TIRAP: variants seen among roughly 807,000 people sequenced by gnomAD.
The protein encoded by TIRAP is TIR domain containing adaptor protein.
A neutral mutation model predicts 19.8 loss-of-function variants in TIRAP; 20 were observed. That is an observed-to-expected ratio of 1.01 (90% CI 0.71 to 1.47). The LOEUF is 1.47. TIRAP is among the 40% of genes most tolerant of loss of function. The probability of loss-of-function intolerance (pLI) is 0.00; values close to 1 mark genes in which losing one functional copy is unlikely to be tolerated. For missense variants in TIRAP, 276 were observed against 285.1 expected, an observed-to-expected ratio of 0.97 and a Z score of 0.23; for synonymous variants, 125 against 121.7, an observed-to-expected ratio of 1.03 and a Z score of -0.18.
chr11:126,293,066 A>G lies in TIRAP; in HGVS notation c.646+11A>G. The G allele has an allele frequency of 6.2e-7, 1 of 1,614,114 alleles. No individual in the cohort carries two copies. Among genetic ancestry groups the G allele is most frequent in the Non-Finnish European group, 8.5e-7 (1 of 1,180,022 alleles). ...AAGCTGTCATGCGTTGTAAGCTACT[A>G]CAGGAGGGAGAAGGGGAACGGGATT... is the stretch of plus-strand genomic sequence containing the variant. On this transcript the variant is annotated intron_variant, in intron 4 of 4. Coordinates refer to ENST00000392679, the MANE Select transcript of TIRAP (RefSeq NM_001318777.2).
chr11:126,291,676 C>T lies in TIRAP; in HGVS notation c.67+715C>T, dbSNP rs1257978438. The T allele has an allele frequency of 2.6e-6, 1 of 390,522 alleles. No homozygotes were observed. The highest frequency in any genetic ancestry group is 5.2e-6 in the Non-Finnish European group (1 of 193,620). The allele number at this position is 390,522 out of a possible 1,614,324, so 24.2% of individuals were successfully genotyped here. A position where few individuals can be genotyped will look rare whatever the true frequency, so the allele number is the denominator to read the frequency against. On this transcript the variant is annotated intron_variant, in intron 3 of 4. Coordinates refer to ENST00000392679, the MANE Select transcript of TIRAP (RefSeq NM_001318777.2). This position sits in a 1 kb window ranked among gnomAD's most constrained non-coding sequence, Gnocchi z 5.6. ...TTCTTGGGGCCAAACAGATGCCAGT[C>T]CTCCGTACCCCTTCCTTCCTGTATA...
intron 4 of TIRAP, 44 bp downstream of exon 4, chr11:126,293,099 A>T (rs747655758): frequency 6.2e-7 from 1 of 1,613,034 alleles, no homozygotes; most frequent in East Asian, 2.2e-5. Context: ...ATTCAGCTAC[A>T]GTATCTGATC....
rs1048296907 is a variant in TIRAP, at chr11:126,294,036, C to G, written c.*349C>G. On this transcript the variant is annotated 3_prime_UTR_variant, in exon 5 of 5. Transcript: ENST00000392679. ...ATGGCCAGCAGGACTCATCTCCTGC[C>G]TAACTGGACAGGAAGCCTGGCACCC... 3 of 325,654 alleles carry G rather than the reference C, an allele frequency of 9.2e-6. No individual in the cohort carries two copies. The highest frequency in any genetic ancestry group is 1.8e-5 in the Non-Finnish European group (3 of 169,870). 20.2% of individuals were successfully genotyped at this position (325,654 alleles called of 1,614,324 possible).
At position 126,291,956 on chromosome 11, in the gene TIRAP, C is replaced by T. The variant is rs1265493938; in HGVS notation, c.68-521C>T. Reference sequence around the variant, plus strand: ...ACATAAGGATTCCAGAGTTCTGACACGTCCAAAACCTTTACCTTTAGAGGG... The same window carrying T: ...ACATAAGGATTCCAGAGTTCTGACATGTCCAAAACCTTTACCTTTAGAGGG... On this transcript the variant is annotated intron_variant, in intron 3 of 4. Coordinates refer to ENST00000392679, the MANE Select transcript of TIRAP (RefSeq NM_001318777.2). The surrounding 1 kb of genome is among the most constrained non-coding windows in gnomAD (Gnocchi z 5.6). Among the ~76,000 whole-genome samples the T allele has an allele frequency of 6.6e-6, 1 of 151,934 alleles. No homozygotes were observed. Among genetic ancestry groups the T allele is most frequent in the African/African-American group, 2.4e-5 (1 of 41,268 alleles).
chr11:126,283,315 C>T (rs1484865425), intron 1 of TIRAP, among the ~76,000 whole-genome samples, 162 bp downstream of exon 1: 3 of 152,136 alleles, frequency 2.0e-5, no homozygotes, highest in African/African-American at 7.2e-5. Flanking sequence ...GCGGCACATC[C>T]GCTTCCCTTC....
rs1321278139 is a variant in TIRAP, at chr11:126,294,455, G to A, written c.*768G>A. 3 of 454,038 alleles carry A rather than the reference G, an allele frequency of 6.6e-6. No homozygotes were observed. The highest frequency in any genetic ancestry group is 2.0e-5 in the African/African-American group (1 of 50,004). The allele number at this position is 454,038 out of a possible 1,614,324, so 28.1% of individuals were successfully genotyped here. ...GGGAATCCAGGGCTCAGGGTTCAAT[G>A]CCTTCACCTGAGATCACAAGCCCAT... On this transcript the variant is annotated 3_prime_UTR_variant, in exon 5 of 5. Coordinates refer to ENST00000392679, the MANE Select transcript of TIRAP (RefSeq NM_001318777.2).
intron 1 of TIRAP, among the ~76,000 whole-genome samples, chr11:126,284,288 C>G (rs1332878235): frequency 6.6e-6 from 1 of 152,180 alleles, no homozygotes; most frequent in Non-Finnish European, 1.5e-5. Context: ...CCTGCCTCAG[C>G]CTTCCAGAGT....
chr11:126,287,647 A>G lies in TIRAP; in HGVS notation c.-216-2815A>G, dbSNP rs1951337126. 6.6e-6 allele frequency among the ~76,000 whole-genome samples: 1 copy of G among 151,910 alleles called. No individual in the cohort carries two copies. The highest frequency in any genetic ancestry group is 1.5e-5 in the Non-Finnish European group (1 of 67,978). On this transcript the variant is annotated intron_variant, in intron 1 of 4. Coordinates refer to ENST00000392679, the MANE Select transcript of TIRAP (RefSeq NM_001318777.2). This position sits in a 1 kb window ranked among gnomAD's most constrained non-coding sequence, Gnocchi z 4.2. Reference sequence around the variant, plus strand: ...TTTGGATTTTATACAGCAAAACTCCATAATGTTTCCTTTACATCAGTTTCT... The same window carrying G: ...TTTGGATTTTATACAGCAAAACTCCGTAATGTTTCCTTTACATCAGTTTCT...
rs1285696378 is a variant in TIRAP at position 126,291,384 on chromosome 11, A to G, written c.67+423A>G. 5 of 1,228,526 alleles carry G rather than the reference A, an allele frequency of 4.1e-6. No homozygotes were observed. The South Asian group carries it at 6.2e-5, about 15-fold the overall frequency. 76.1% of individuals were successfully genotyped at this position (1,228,526 alleles called of 1,614,324 possible). A position where few individuals can be genotyped will look rare whatever the true frequency, so the allele number is the denominator to read the frequency against. ...TGTTTTCATCTCCTTATGGAGTCCCATACTCCAAACACAGACCTGAGCAGT... is the reference window on the plus strand; with the variant it reads ...TGTTTTCATCTCCTTATGGAGTCCCGTACTCCAAACACAGACCTGAGCAGT... On this transcript the variant is annotated intron_variant, in intron 3 of 4. Coordinates refer to ENST00000392679, the MANE Select transcript of TIRAP (RefSeq NM_001318777.2). The surrounding 1 kb of genome is among the most constrained non-coding windows in gnomAD (Gnocchi z 5.6).
chr11:126,293,809 C>T lies in TIRAP; in HGVS notation c.*122C>T, dbSNP rs777153653. 3.8e-5 allele frequency: 42 copies of T among 1,115,220 alleles called. No individual in the cohort carries two copies. The highest frequency in any genetic ancestry group is 2.0e-4 in the Middle Eastern group (1 of 5,076). 69.1% of individuals were successfully genotyped at this position (1,115,220 alleles called of 1,614,324 possible). ...AGGGAGTGAGTCACAGCGCTTTGCT[C>T]GTGACCCTGGGATCAGAGCACCCAT... On this transcript the variant is annotated 3_prime_UTR_variant, in exon 5 of 5. Transcript: ENST00000392679.
intron 4 of TIRAP, chr11:126,293,289 A>G (rs928893911): frequency 1.4e-5 from 11 of 770,400 alleles, no homozygotes; most frequent in Non-Finnish European, 2.2e-5. Flanking sequence ...TTCCATTGCT[A>G]TGAAATGAGA....
Position 126,292,670 on chromosome 11 carries a change from C to T in TIRAP, c.261C>T (p.Asp87=), listed in dbSNP as rs527374521. Residue 87 remains aspartate (D), a synonymous_variant, in exon 4 of 5, where the codon GAC becomes GAT. Transcript: ENST00000392679. ...SGSSRWSKDY[D]VCVCHSEEDL... is the part of the protein sequence containing the mutation. ...GTAGTCGCTGGAGCAAAGACTATGACGTCTGCGTGTGCCACAGTGAGGAAG... is the reference window on the plus strand; with the variant it reads ...GTAGTCGCTGGAGCAAAGACTATGATGTCTGCGTGTGCCACAGTGAGGAAG... 2.0e-5 allele frequency: 32 copies of T among 1,614,042 alleles called. No homozygotes were observed. Among genetic ancestry groups the T allele is most frequent in the East Asian group, 6.7e-5 (3 of 44,878 alleles).
rs1278748208 is a variant in TIRAP at position 126,287,929 on chromosome 11, T to A, written c.-216-2533T>A. ...ACACCATGCCTGGCTAATTTTTGTATTTTTAGTAGAGACAGGGTTTCGACC... is the reference window on the plus strand; with the variant it reads ...ACACCATGCCTGGCTAATTTTTGTAATTTTAGTAGAGACAGGGTTTCGACC... On this transcript the variant is annotated intron_variant, in intron 1 of 4. Coordinates refer to ENST00000392679, the MANE Select transcript of TIRAP (RefSeq NM_001318777.2). This position sits in a 1 kb window ranked among gnomAD's most constrained non-coding sequence, Gnocchi z 4.2. Among the ~76,000 whole-genome samples, 1 of 152,082 alleles carries A rather than the reference T, an allele frequency of 6.6e-6. No individual in the cohort carries two copies. Among genetic ancestry groups the A allele is most frequent in the African/African-American group, 2.4e-5 (1 of 41,416 alleles).
intron 1 of TIRAP, 40 bp downstream of exon 1, chr11:126,283,193 GCGGGGCTC>G (rs1951275517): frequency 1.0e-6 from 1 of 964,492 alleles, no homozygotes; most frequent in African/African-American, 1.8e-5. Context: ...GGGAGGCGCG[GCGGGGCTC>G]CGTGGGGTGG....
In TIRAP at chr11:126,293,772, G is replaced by T; in HGVS notation, c.*85G>T. 2 of 1,482,788 alleles carry T rather than the reference G, an allele frequency of 1.3e-6. No homozygotes were observed. The highest frequency in any genetic ancestry group is 2.3e-5 in the South Asian group (2 of 88,356). 91.9% of individuals were successfully genotyped at this position (1,482,788 alleles called of 1,614,324 possible). On this transcript the variant is annotated 3_prime_UTR_variant, in exon 5 of 5. Transcript: ENST00000392679. Reference sequence around the variant, plus strand: ...CAGGGCCTCGGATTCCCACAAATGTGACAAGAGGTATAGGGAGTGAGTCAC... The same window carrying T: ...CAGGGCCTCGGATTCCCACAAATGTTACAAGAGGTATAGGGAGTGAGTCAC...
rs981889572 is a variant in TIRAP at position 126,291,920 on chromosome 11, G to A, written c.68-557G>A. Among the ~76,000 whole-genome samples the A allele has an allele frequency of 6.6e-6, 1 of 151,924 alleles. No individual in the cohort carries two copies. Among genetic ancestry groups the A allele is most frequent in the Non-Finnish European group, 1.5e-5 (1 of 68,012 alleles). On this transcript the variant is annotated intron_variant, in intron 3 of 4. Transcript: ENST00000392679. This position sits in a 1 kb window ranked among gnomAD's most constrained non-coding sequence, Gnocchi z 5.6. ...GGCCATTTCTCTTAACCAGGCTGGT[G>A]GAACACTCTCACATAAGGATTCCAG...
chr11:126,285,670 AT>A (rs1025923407), intron 1 of TIRAP, among the ~76,000 whole-genome samples: 3 of 152,004 alleles, frequency 2.0e-5, no homozygotes, highest in East Asian at 3.9e-4. Context: ...TTATTTTATC[AT>A]TTTTTCCCCT....
rs904735498 is a variant in TIRAP at position 126,283,133 on chromosome 11, C to G, written c.-237C>G. 63 of 984,968 alleles carry G rather than the reference C, an allele frequency of 6.4e-5. No homozygotes were observed. Among genetic ancestry groups the G allele is most frequent in the Non-Finnish European group, 6.0e-5 (50 of 829,814 alleles). The allele number at this position is 984,968 out of a possible 1,614,324, so 61.0% of individuals were successfully genotyped here. Reference sequence around the variant, plus strand: ...CCCGCGCAGTCCGCGCAGCCCTCATCGCAACTGGGCCCGCGCGCAGGTGAG... The same window carrying G: ...CCCGCGCAGTCCGCGCAGCCCTCATGGCAACTGGGCCCGCGCGCAGGTGAG... On this transcript the variant is annotated 5_prime_UTR_variant, in exon 1 of 5. It adds an upstream start codon to the 5' untranslated region. Transcript: ENST00000392679.
rs1160294836 is a variant in TIRAP, at chr11:126,291,428, G to A, written c.67+467G>A. 3.8e-6 allele frequency: 5 copies of A among 1,327,506 alleles called. No individual in the cohort carries two copies. Among genetic ancestry groups the A allele is most frequent in the Middle Eastern group, 4.2e-4 (2 of 4,728 alleles). The allele number at this position is 1,327,506 out of a possible 1,614,324, so 82.2% of individuals were successfully genotyped here. On this transcript the variant is annotated intron_variant, in intron 3 of 4. Coordinates refer to ENST00000392679, the MANE Select transcript of TIRAP (RefSeq NM_001318777.2). This position sits in a 1 kb window ranked among gnomAD's most constrained non-coding sequence, Gnocchi z 5.6. ...GAGCAGTGTTTCTCCCCCACAGACT[G>A]GTTCAGGCAGACCCTGCTGAAGAAG... is the stretch of plus-strand genomic sequence containing the variant.
Sources: gnomAD v4.1 joint callset for allele counts (sites outside exome capture counted in the v4.1 genomes callset) on GRCh38, gnomAD v4.1.1 for gene constraint, Gnocchi (gnomAD v3.1) non-coding constraint, MANE v1.5 for transcripts, NCBI Gene and HGNC (gene_info 2026-07-23, HGNC 2026-07-21) for gene names.